The following PRPSAP1 variants were observed in gnomAD, a reference collection of about 807,000 sequenced individuals.
PRPSAP1 encodes phosphoribosyl pyrophosphate synthase-associated protein 1.
Under a neutral mutation model 39.4 loss-of-function variants are expected in PRPSAP1, and 31 were observed. The observed-to-expected ratio is 0.79, with a 90% CI of 0.59 to 1.06. The LOEUF (loss-of-function observed/expected upper bound fraction) is 1.06. Ranked by LOEUF, PRPSAP1 falls within the 50% of genes least tolerant of loss-of-function variation. PRPSAP1 has a pLI of 0.00. For synonymous variants in PRPSAP1, 212 were observed against 192.6 expected (o/e 1.10, Z -0.83); for missense variants, 430 against 511.6 (o/e 0.84, Z 1.54).
chr17:76,344,606 A>G (rs887841956), intron 3 of PRPSAP1, 65 bp downstream of exon 3: 1 of 1,297,122 alleles, frequency 7.7e-7, no homozygotes, highest in African/African-American at 1.5e-5. Flanking sequence ...TGTTCATATG[A>G]AAAGATAATC....
chr17:76,351,519 A>G (rs533062561), intron 1 of PRPSAP1, among the ~76,000 whole-genome samples: 2 of 149,758 alleles, frequency 1.3e-5, no homozygotes, highest in South Asian at 4.2e-4. Flanking sequence ...TCTCAAAACA[A>G]AAAACAAAAA....
At chr17:76,353,990 C>T, upstream of PRPSAP1, 1 of 1,260,988 alleles carries the variant, frequency 7.9e-7, no homozygotes, top group Non-Finnish European at 1.0e-6. Flanking sequence ...CGGATGAGGG[C>T]AGGGAGCCTG....
chr17:76,316,562 A>C (rs191341595), intron 7 of PRPSAP1, among the ~76,000 whole-genome samples: 1 of 152,348 alleles, frequency 6.6e-6, no homozygotes, highest in East Asian at 1.9e-4. Flanking sequence ...TTACCCAAAA[A>C]ATAAAACACT....
At chr17:76,353,964 C>A (rs2071615249), upstream of PRPSAP1, 1 of 1,296,004 alleles carries the variant, frequency 7.7e-7, no homozygotes, top group Admixed American at 4.2e-5. Context: ...GCTAGAGCGC[C>A]CTCAGGCCGC....
chr17:76,311,409 C>T lies in PRPSAP1; in HGVS notation c.*133G>A, dbSNP rs2071068875. 3 of 970,086 alleles carry T rather than the reference C, an allele frequency of 3.1e-6. No individual in the cohort carries two copies. Among genetic ancestry groups the T allele is most frequent in the Non-Finnish European group, 4.4e-6 (3 of 681,826 alleles). The allele number at this position is 970,086 out of a possible 1,614,324, so 60.1% of individuals were successfully genotyped here. A position where few individuals can be genotyped will look rare whatever the true frequency, so the allele number is the denominator to read the frequency against. On this transcript the variant is annotated 3_prime_UTR_variant, in exon 10 of 10. Transcript: ENST00000446526. ...GACTCTTTTAATCCCTCCTCCCCAT[C>T]AATCCGGGCAAAAGAAGATATCTAA...
At chr17:76,329,598 TG>T (rs1205774785) in intron 6 of PRPSAP1, among the ~76,000 whole-genome samples, 2 of 150,802 alleles carry the variant, frequency 1.3e-5, no homozygotes, top group Admixed American at 6.6e-5. Flanking sequence ...TAGCCAGGAG[TG>T]GTGACAGGCG....
In PRPSAP1 at chr17:76,311,690, G is replaced by A. The variant is rs747130993; in HGVS notation, c.1010C>T (p.Thr337Met). 4.3e-6 allele frequency: 7 copies of A among 1,613,486 alleles called. No homozygotes were observed. In the Admixed American group the frequency reaches 1.0e-4, roughly 23 times the overall value. The change falls in exon 10 of 10, where the codon ACG (threonine) becomes ATG (methionine). Residue 337 changes from threonine to methionine, a missense_variant. Physicochemically the swap from Thr to Met is moderately conservative, Grantham distance 81. Around this residue, in one of 2 missense-constraint regions of PRPSAP1, gnomAD observed 278 missense variants for 376.3 expected, o/e 0.74. Transcript: ENST00000446526. ...CTGAACCTCATGAGGGACAGTATTCGTCACCACCACCTAGTCACACAGTGA... is the reference window on the plus strand; with the variant it reads ...CTGAACCTCATGAGGGACAGTATTCATCACCACCACCTAGTCACACAGTGA... ...EESSVDEVVVTNTVPHEVQKL... is the reference protein window; with the variant it reads ...EESSVDEVVVMNTVPHEVQKL...
At chr17:76,353,251 G>A (rs2143565583) in intron 1 of PRPSAP1, 4 of 399,870 alleles carry the variant, frequency 1.0e-5, no homozygotes, top group Middle Eastern at 6.5e-4. Flanking sequence ...AGCTCGGCCC[G>A]CCCCGGGGTG....
chr17:76,333,887 T>C (rs1254958208), intron 3 of PRPSAP1, among the ~76,000 whole-genome samples: 1 of 151,588 alleles, frequency 6.6e-6, no homozygotes, highest in East Asian at 1.9e-4. Flanking sequence ...TTCTTTCACT[T>C]ACTCACTCAC....
At position 76,328,009 on chromosome 17, in the gene PRPSAP1, C is replaced by G. The variant is rs138139501; in HGVS notation, c.781+708G>C. Among the ~76,000 whole-genome samples the G allele has an allele frequency of 7.8e-3, 1,181 of 151,766 alleles. 12 individuals carry two copies. The highest frequency in any genetic ancestry group is 0.02 in the African/African-American group (824 of 41,348). Reference sequence around the variant, plus strand: ...AACCAGCCTGGGCAATGCAGGGAGCCCCGTCTCCATACAAAAAGAAAAAAA... The same window carrying G: ...AACCAGCCTGGGCAATGCAGGGAGCGCCGTCTCCATACAAAAAGAAAAAAA... On this transcript the variant is annotated intron_variant, in intron 7 of 9. Transcript: ENST00000446526.
chr17:76,312,909 T>G lies in PRPSAP1; in HGVS notation c.960A>C (p.Ala320=), dbSNP rs755599748. Residue 320 remains alanine, a synonymous_variant, in exon 9 of 10, where the codon GCA becomes GCC. Transcript: ENST00000446526. The part of the protein sequence containing the change: ...YVMATHGILS[A]EAPRLIEESS... ...ACTCCTCAATCAGGCGAGGGGCCTCTGCAGACAGGATGCCGTGGGTGGCCA... is the reference window on the plus strand; with the variant it reads ...ACTCCTCAATCAGGCGAGGGGCCTCGGCAGACAGGATGCCGTGGGTGGCCA... 12 of 1,614,186 alleles carry G rather than the reference T, an allele frequency of 7.4e-6. No homozygotes were observed. Among genetic ancestry groups the G allele is most frequent in the Non-Finnish European group, 9.3e-6 (11 of 1,180,036 alleles).
chr17:76,312,279 A>T (rs1461087350), intron 9 of PRPSAP1, among the ~76,000 whole-genome samples: 3 of 152,172 alleles, frequency 2.0e-5, no homozygotes, highest in Non-Finnish European at 2.9e-5. Context: ...CGTTTCTAAG[A>T]AAAACACAAA....
At position 76,340,929 on chromosome 17, in the gene PRPSAP1, G is replaced by A. The variant is rs551278195; in HGVS notation, c.290+3742C>T. 2.8e-4 allele frequency among the ~76,000 whole-genome samples: 42 copies of A among 151,578 alleles called. 1 individual carries two copies. The highest frequency in any genetic ancestry group is 3.4e-3 in the Middle Eastern group (1 of 294). On this transcript the variant is annotated intron_variant, in intron 3 of 9. Transcript: ENST00000446526. ...AAAAAAAAAAAAAGCGGGGGGTAGG[G>A]GGGGACTGTCTTTCACAAAACTGGT...
At chr17:76,353,473 C>G in intron 1 of PRPSAP1, 61 bp downstream of exon 1, 3 of 1,417,394 alleles carry the variant, frequency 2.1e-6, no homozygotes, top group Non-Finnish European at 2.8e-6. Flanking sequence ...CGGGTCCCTC[C>G]GGGCGCGAAG....
intron 4 of PRPSAP1, among the ~76,000 whole-genome samples, chr17:76,331,499 C>T (rs2071321926): frequency 6.6e-6 from 1 of 152,126 alleles, no homozygotes; most frequent in South Asian, 2.1e-4. Context: ...AGCATAACAA[C>T]AATTTATATA....
intron 1 of PRPSAP1, chr17:76,353,089 C>T (rs73355770): frequency 0.031 from 4,882 of 158,392 alleles, 277 homozygotes; most frequent in African/African-American, 0.11. Flanking sequence ...CCTGCCGCGT[C>T]GGATCCCCCA....
In PRPSAP1 at chr17:76,345,336, G is replaced by A. The variant is rs143007133; in HGVS notation, c.224-599C>T. 4.6e-3 allele frequency among the ~76,000 whole-genome samples: 690 copies of A among 150,436 alleles called. 7 individuals carry two copies. Among genetic ancestry groups the A allele is most frequent in the African/African-American group, 0.016 (654 of 40,848 alleles). Reference sequence around the variant, plus strand: ...ACAAAAATTAGCCAGGCATGGTGGCGCACAACTATAATCCCAGCTACTCAG... The same window carrying A: ...ACAAAAATTAGCCAGGCATGGTGGCACACAACTATAATCCCAGCTACTCAG... On this transcript the variant is annotated intron_variant, in intron 2 of 9. Coordinates refer to ENST00000446526, the MANE Select transcript of PRPSAP1 (RefSeq NM_002766.3).
intron 7 of PRPSAP1, among the ~76,000 whole-genome samples, chr17:76,320,353 A>AAGGAAGAAAGAC (rs149763636): frequency 2.5e-5 from 3 of 118,542 alleles, no homozygotes; most frequent in Admixed American, 1.7e-4. Context: ...GGAAGGAAGG[A>AAGGAAGAAAGAC]AGAAAAAGGA....
rs372090366 is a variant in PRPSAP1 at position 76,342,720 on chromosome 17, A to T, written c.290+1951T>A. The stretch of plus-strand genomic sequence containing the variant: ...GTGACACAGCAAGACCCTGTCTCAA[A>T]TTAAAAAAAAAAAAAAAGAAAGTCA... On this transcript the variant is annotated intron_variant, in intron 3 of 9. Transcript: ENST00000446526. Among the ~76,000 whole-genome samples the T allele has an allele frequency of 4.8e-4, 73 of 150,950 alleles. No individual in the cohort carries two copies. The Middle Eastern group carries it at 0.01, about 21-fold the overall frequency.
Sources: gnomAD v4.1 joint callset for allele counts (sites outside exome capture counted in the v4.1 genomes callset) on GRCh38, gnomAD v4.1.1 for gene constraint, gnomAD v4.1.1 regional missense constraint, MANE v1.5 for transcripts, NCBI Gene and HGNC (gene_info 2026-07-23, HGNC 2026-07-21) for gene names.